The following SGMS1 variants were observed in gnomAD, a reference collection of about 807,000 sequenced individuals.
SGMS1 encodes the protein sphingomyelin synthase 1.
SGMS1 carries 13 observed loss-of-function variants against 46.2 expected under a neutral mutation model. That is an observed-to-expected ratio of 0.28 (90% CI 0.18 to 0.45). SGMS1 has a LOEUF of 0.45. Among genes scored for constraint, SGMS1 ranks in the 20% least tolerant of loss-of-function variants. The probability of loss-of-function intolerance (pLI) is 1.00; values close to 1 mark genes in which losing one functional copy is unlikely to be tolerated. For synonymous variants in SGMS1, 203 were observed against 187.8 expected (o/e 1.08, Z -0.66); for missense variants, 324 against 519.9 (o/e 0.62, Z 3.66).
At position 50,351,775 on chromosome 10, in the gene SGMS1, C is replaced by T. The variant is rs769889325; in HGVS notation, c.-231-7430G>A. On this transcript the variant is annotated intron_variant, in intron 6 of 10. Coordinates refer to ENST00000361781, the MANE Select transcript of SGMS1 (RefSeq NM_147156.4). The stretch of plus-strand genomic sequence containing the variant: ...TTAAATATCTTTTTCTTCCCAGGCT[C>T]GGGGTGTCTTTATTAGTAGTGTGGA... Among the ~76,000 whole-genome samples the T allele has an allele frequency of 5.9e-5, 9 of 152,158 alleles. No homozygotes were observed. In the South Asian group the frequency reaches 8.3e-4, roughly 14 times the overall value.
chr10:50,576,740 C>T (rs1588882083), intron 2 of SGMS1, among the ~76,000 whole-genome samples: 1 of 152,102 alleles, frequency 6.6e-6, no homozygotes, highest in East Asian at 1.9e-4. Context: ...CCGGAGAGCA[C>T]TTTTGATGTC....
intron 7 of SGMS1, among the ~76,000 whole-genome samples, chr10:50,330,508 G>A (rs1847605570): frequency 6.6e-6 from 1 of 151,484 alleles, no homozygotes; most frequent in South Asian, 2.1e-4. Context: ...AATGAAAAGG[G>A]GTTAAAAAAA....
At chr10:50,482,859 G>C (rs188288479) in intron 3 of SGMS1, among the ~76,000 whole-genome samples, 160 of 152,176 alleles carry the variant, frequency 1.1e-3, no homozygotes, top group African/African-American at 3.7e-3. Flanking sequence ...AAGGGATGAA[G>C]GAAAATTTAC....
chr10:50,350,079 A>G (rs993025211), intron 6 of SGMS1, among the ~76,000 whole-genome samples: 3 of 152,224 alleles, frequency 2.0e-5, no homozygotes, highest in Non-Finnish European at 2.9e-5. Context: ...TGCTGATAGC[A>G]ATATGAACAA....
intron 9 of SGMS1, among the ~76,000 whole-genome samples, chr10:50,308,636 C>T (rs1457962074): frequency 6.6e-6 from 1 of 152,038 alleles, no homozygotes; most frequent in Non-Finnish European, 1.5e-5. Context: ...TTGAGATTTT[C>T]ATTTCTCAAA....
At chr10:50,322,279 A>T (rs1192677966) in intron 8 of SGMS1, among the ~76,000 whole-genome samples, 1 of 152,260 alleles carries the variant, frequency 6.6e-6, no homozygotes, top group East Asian at 1.9e-4. Flanking sequence ...ACCACAAAAC[A>T]CGCCCAAACA....
intron 2 of SGMS1, among the ~76,000 whole-genome samples, chr10:50,575,595 C>T (rs891452165): frequency 6.6e-6 from 1 of 151,914 alleles, no homozygotes. Context: ...AGTGTTCTTA[C>T]CCCCGTCACC....
intron 1 of SGMS1, among the ~76,000 whole-genome samples, chr10:50,595,715 G>C (rs1285733819): frequency 6.6e-6 from 1 of 152,216 alleles, no homozygotes; most frequent in African/African-American, 2.4e-5. Flanking sequence ...TGGTAGGCAA[G>C]TGTGACCTTA....
intron 3 of SGMS1, among the ~76,000 whole-genome samples, chr10:50,496,266 T>G (rs1837614533): frequency 6.6e-6 from 1 of 152,246 alleles, no homozygotes; most frequent in Non-Finnish European, 1.5e-5. Flanking sequence ...TCTGCCTTTA[T>G]TGTCAAGCTG....
chr10:50,363,119 T>C (rs928610517), intron 6 of SGMS1, among the ~76,000 whole-genome samples: 1 of 151,946 alleles, frequency 6.6e-6, no homozygotes, highest in African/African-American at 2.4e-5. Context: ...ACTGGACATA[T>C]ACATTCTATC....
intron 6 of SGMS1, among the ~76,000 whole-genome samples, chr10:50,382,558 A>AACACACAT (rs1848620976): frequency 2.9e-5 from 2 of 69,238 alleles, no homozygotes; most frequent in Admixed American, 3.8e-4. Flanking sequence ...CACACACACA[A>AACACACAT]ACACACACAT....
chr10:50,549,047 G>A (rs1298007428), intron 2 of SGMS1, among the ~76,000 whole-genome samples: 1 of 152,142 alleles, frequency 6.6e-6, no homozygotes, highest in Non-Finnish European at 1.5e-5. Flanking sequence ...AAAAACAACA[G>A]ATCCTGGCAA....
At chr10:50,382,085 T>A (rs1365838179) in intron 6 of SGMS1, among the ~76,000 whole-genome samples, 1 of 152,212 alleles carries the variant, frequency 6.6e-6, no homozygotes, top group East Asian at 1.9e-4. Context: ...TTAGAGTATA[T>A]CTTGATATAC....
intron 4 of SGMS1, among the ~76,000 whole-genome samples, chr10:50,462,503 T>C (rs575949311): frequency 4.3e-4 from 65 of 152,338 alleles, no homozygotes; most frequent in Admixed American, 1.1e-3. Context: ...TAGCTTTCGA[T>C]GCTTATGGGT....
intron 6 of SGMS1, among the ~76,000 whole-genome samples, chr10:50,351,472 T>C (rs1848011492): frequency 6.6e-6 from 1 of 152,146 alleles, no homozygotes; most frequent in Non-Finnish European, 1.5e-5. Flanking sequence ...AATGATATGG[T>C]TTGGCTGTGT....
chr10:50,514,067 CA>C (rs936575884), intron 3 of SGMS1, among the ~76,000 whole-genome samples: 1 of 151,440 alleles, frequency 6.6e-6, no homozygotes, highest in African/African-American at 2.4e-5. Flanking sequence ...CTGTGAGCAC[CA>C]AAAAAAAGAT....
chr10:50,396,304 G>A (rs1848847467), intron 6 of SGMS1, among the ~76,000 whole-genome samples: 1 of 152,022 alleles, frequency 6.6e-6, no homozygotes, highest in South Asian at 2.1e-4. Flanking sequence ...TTAAGTCCAG[G>A]TATTCTCAGC....
intron 6 of SGMS1, among the ~76,000 whole-genome samples, chr10:50,403,910 T>C (rs1848975698): frequency 6.6e-6 from 1 of 151,810 alleles, no homozygotes; most frequent in Non-Finnish European, 1.5e-5. Flanking sequence ...CCTACCCTTC[T>C]TTTATTTCCT....
intron 2 of SGMS1, among the ~76,000 whole-genome samples, chr10:50,556,120 G>T (rs2983361): frequency 0.17 from 26,310 of 152,022 alleles, 2,948 homozygotes; most frequent in Non-Finnish European, 0.26. Flanking sequence ...AATCCCAGGG[G>T]GTCCATGACA....
Sources: gnomAD v4.1 joint callset for allele counts (sites outside exome capture counted in the v4.1 genomes callset) on GRCh38, gnomAD v4.1.1 for gene constraint, MANE v1.5 for transcripts, NCBI Gene and HGNC (gene_info 2026-07-23, HGNC 2026-07-21) for gene names.